CSMD1: variants seen among roughly 807,000 people sequenced by gnomAD.
CSMD1 encodes CUB and sushi domain-containing protein 1.
A neutral mutation model predicts 417.5 loss-of-function variants in CSMD1; 213 were observed. That is an observed-to-expected ratio of 0.51 (90% CI 0.46 to 0.57). CSMD1 has a LOEUF of 0.57. Among genes scored for constraint, CSMD1 ranks in the 20% least tolerant of loss-of-function variants. The pLI, the probability that CSMD1 is intolerant of heterozygous loss-of-function variation, is 0.00. For synonymous variants in CSMD1, 2,862 were observed against 1,736.8 expected (o/e 1.65, Z -16.11); for missense variants, 6,923 against 4,529.7 (o/e 1.53, Z -15.17).
At chr8:3,273,341 T>G (rs1421262949) in intron 26 of CSMD1, among the ~76,000 whole-genome samples, 2 of 152,106 alleles carry the variant, frequency 1.3e-5, no homozygotes, top group Admixed American at 1.3e-4. Context: ...TGCCAGTATT[T>G]TATTGAGGAT....
chr8:4,738,537 C>T (rs919234347), intron 1 of CSMD1, among the ~76,000 whole-genome samples: 2 of 151,994 alleles, frequency 1.3e-5, no homozygotes, highest in African/African-American at 4.8e-5. Flanking sequence ...CTGGCCACTC[C>T]CATAACAGGG....
At chr8:4,144,467 C>G (rs183765516) in intron 3 of CSMD1, among the ~76,000 whole-genome samples, 1 of 151,276 alleles carries the variant, frequency 6.6e-6, no homozygotes, top group African/African-American at 2.5e-5. Context: ...ATGAGCATAT[C>G]CCATTCTGCA....
intron 6 of CSMD1, among the ~76,000 whole-genome samples, chr8:3,724,611 C>G (rs1308281162): frequency 6.6e-6 from 1 of 152,086 alleles, no homozygotes; most frequent in Non-Finnish European, 1.5e-5. Flanking sequence ...GAGAATTGGC[C>G]TCTGGGTCAC....
intron 37 of CSMD1, among the ~76,000 whole-genome samples, chr8:3,169,121 G>A (rs1820424971): frequency 6.6e-6 from 1 of 152,158 alleles, no homozygotes; most frequent in Admixed American, 6.5e-5. Context: ...GGTAAGTAAT[G>A]TATTCAAGGT....
intron 41 of CSMD1, among the ~76,000 whole-genome samples, chr8:3,124,139 C>T (rs921751796): frequency 6.6e-5 from 10 of 151,790 alleles, no homozygotes; most frequent in South Asian, 2.1e-4. Flanking sequence ...ATCCTGTGTG[C>T]GTGTGGGGAG....
intron 1 of CSMD1, among the ~76,000 whole-genome samples, chr8:4,821,191 A>G (rs577749662): frequency 6.6e-6 from 1 of 152,322 alleles, no homozygotes; most frequent in African/African-American, 2.4e-5. Flanking sequence ...TCACTGTGAC[A>G]TTCAGGTCAC....
chr8:4,455,266 TAGG>T (rs1452175251), intron 2 of CSMD1, among the ~76,000 whole-genome samples: 2 of 152,032 alleles, frequency 1.3e-5, no homozygotes, highest in African/African-American at 4.8e-5. Flanking sequence ...TTAAAAAAAA[TAGG>T]AGAAGGAGAA....
intron 4 of CSMD1, among the ~76,000 whole-genome samples, chr8:4,028,027 G>A (rs1030418808): frequency 1.3e-5 from 2 of 152,082 alleles, no homozygotes; most frequent in Non-Finnish European, 2.9e-5. Flanking sequence ...GAAAGCAGAT[G>A]GGATACAGGT....
At chr8:4,403,914 T>C (rs570553243) in intron 3 of CSMD1, among the ~76,000 whole-genome samples, 1 of 152,204 alleles carries the variant, frequency 6.6e-6, no homozygotes, top group Non-Finnish European at 1.5e-5. Flanking sequence ...ACACCCGCAT[T>C]AACTCCAATC....
chr8:4,193,221 C>G (rs763356466), intron 3 of CSMD1, among the ~76,000 whole-genome samples: 2 of 152,176 alleles, frequency 1.3e-5, no homozygotes, highest in African/African-American at 4.8e-5. Context: ...AAAGTTGTAG[C>G]TGCCACAAAC....
chr8:4,481,919 G>C (rs1292050717), intron 2 of CSMD1, among the ~76,000 whole-genome samples: 1 of 152,066 alleles, frequency 6.6e-6, no homozygotes, highest in East Asian at 1.9e-4. Flanking sequence ...CTTGAGGTGT[G>C]GAAACAACAG....
intron 1 of CSMD1, among the ~76,000 whole-genome samples, chr8:4,791,437 G>C (rs1797683195): frequency 6.6e-6 from 1 of 152,128 alleles, no homozygotes; most frequent in Admixed American, 6.6e-5. Flanking sequence ...CCATCCCTTG[G>C]TCTATAAGGT....
intron 5 of CSMD1, among the ~76,000 whole-genome samples, chr8:3,983,285 C>G (rs181468842): frequency 0.013 from 1,956 of 152,168 alleles, 148 homozygotes; most frequent in Admixed American, 0.11. Context: ...CGCCCACCAC[C>G]ACGCCCGGCT....
intron 3 of CSMD1, among the ~76,000 whole-genome samples, chr8:4,288,521 G>C (rs1460409986): frequency 6.6e-6 from 1 of 152,162 alleles, no homozygotes; most frequent in Non-Finnish European, 1.5e-5. Flanking sequence ...CCCAGTAGTA[G>C]CAGATACCAC....
Position 3,787,482 on chromosome 8 carries a change from A to AT in CSMD1, c.819-33441dup, listed in dbSNP as rs1324079187. 7.9e-5 allele frequency among the ~76,000 whole-genome samples: 12 copies of AT among 152,318 alleles called. No individual in the cohort carries two copies. In the South Asian group the frequency reaches 2.5e-3, roughly 32 times the overall value. ...CATGTGAAAAACAAAGTAGTGATTA[A>AT]TCAAAAAAATGACAGCTTATCAGAA... On this transcript the variant is annotated intron_variant, in intron 5 of 69. Coordinates refer to ENST00000635120, the MANE Select transcript of CSMD1 (RefSeq NM_033225.6).
chr8:4,307,776 T>C (rs542589470), intron 3 of CSMD1, among the ~76,000 whole-genome samples: 8 of 152,136 alleles, frequency 5.3e-5, no homozygotes, highest in Admixed American at 4.6e-4. Flanking sequence ...TGGAATAAGG[T>C]CCAGAGTCAG....
intron 12 of CSMD1, among the ~76,000 whole-genome samples, chr8:3,426,074 G>A (rs1419488725): frequency 6.6e-6 from 1 of 152,196 alleles, no homozygotes; most frequent in Non-Finnish European, 1.5e-5. Context: ...CTGTGAAAAT[G>A]TAAAAAAGCA....
intron 3 of CSMD1, among the ~76,000 whole-genome samples, chr8:4,290,692 A>C (rs561322804): frequency 6.6e-6 from 1 of 152,336 alleles, no homozygotes; most frequent in South Asian, 2.1e-4. Flanking sequence ...TCAACTACAA[A>C]ATAATGAGCA....
chr8:3,535,509 T>C (rs184184246), intron 10 of CSMD1, among the ~76,000 whole-genome samples: 1 of 152,138 alleles, frequency 6.6e-6, no homozygotes, highest in East Asian at 1.9e-4. Flanking sequence ...CACATGGACA[T>C]AGAGTGTGAC....
Sources: allele counts gnomAD v4.1 joint callset (sites outside exome capture counted in the v4.1 genomes callset), GRCh38; gene constraint gnomAD v4.1.1; transcripts MANE v1.5; gene names NCBI Gene and HGNC (gene_info 2026-07-23, HGNC 2026-07-21).